TENM2: variants seen among roughly 807,000 people sequenced by gnomAD.
The protein encoded by TENM2 is teneurin transmembrane protein 2, also known as teneurin-2.
A neutral mutation model predicts 245.2 loss-of-function variants in TENM2; 52 were observed. The ratio of observed to expected loss-of-function variants is 0.21; its 90% CI spans 0.17 to 0.27. The LOEUF is 0.27. TENM2 is among the 10% of genes least tolerant of loss of function. The pLI, the probability that TENM2 is intolerant of heterozygous loss-of-function variation, is 1.00. For missense variants in TENM2, 3,046 were observed against 3,666.8 expected (o/e 0.83, Z 4.37); for synonymous variants, 1,363 against 1,438.9 (o/e 0.95, Z 1.19).
intron 2 of TENM2, among the ~76,000 whole-genome samples, chr5:167,547,704 T>G: frequency 6.6e-6 from 1 of 152,216 alleles, no homozygotes; most frequent in East Asian, 1.9e-4. Flanking sequence ...CAAGGTCACA[T>G]GGCTAGCTGA....
chr5:167,393,435 A>T (rs1761881409), intron 2 of TENM2, among the ~76,000 whole-genome samples: 1 of 152,170 alleles, frequency 6.6e-6, no homozygotes, highest in East Asian at 1.9e-4. Flanking sequence ...GTGAAAGGGA[A>T]TTGACTATAC....
chr5:167,322,604 T>C lies in TENM2; in HGVS notation c.226+37541T>C, dbSNP rs542858563. 3.8e-3 allele frequency among the ~76,000 whole-genome samples: 579 copies of C among 151,026 alleles called. 6 individuals are homozygous for C. Among genetic ancestry groups the C allele is most frequent in the South Asian group, 0.034 (160 of 4,776 alleles). ...CTCTTAATTACCTTTTCCCTCCCCC[T>C]TTTTTTTTAAATCTCCCCATTCTTC... On this transcript the variant is annotated intron_variant, in intron 1 of 28. Transcript: ENST00000518659.
chr5:167,224,121 T>G, the TENM2 span, among the ~76,000 whole-genome samples: 14 of 152,144 alleles, frequency 9.2e-5, no homozygotes, highest in Non-Finnish European at 1.8e-4. Flanking sequence ...TTCACAAATT[T>G]TTTCTCCTTT....
intron 2 of TENM2, among the ~76,000 whole-genome samples, chr5:167,478,160 G>A (rs1304171752): frequency 1.3e-5 from 2 of 152,152 alleles, no homozygotes; most frequent in Non-Finnish European, 2.9e-5. Context: ...AACAAACAAG[G>A]CTCAATGGCC....
chr5:167,533,033 A>C (rs774011891), intron 2 of TENM2, among the ~76,000 whole-genome samples: 1 of 152,148 alleles, frequency 6.6e-6, no homozygotes, highest in African/African-American at 2.4e-5. Context: ...CAAAATTACA[A>C]TGACCTGATT....
chr5:168,032,778 C>G lies in TENM2; in HGVS notation c.1187-14649C>G, dbSNP rs1787257354. On this transcript the variant is annotated intron_variant, in intron 5 of 28. Coordinates refer to ENST00000518659, the Ensembl canonical transcript of TENM2. ...TCCTCAGCCGCTGGTGTTTTTCCTT[C>G]CTAGACCACTGTGTGAGAGGAAGGG... 2.0e-5 allele frequency among the ~76,000 whole-genome samples: 3 copies of G among 152,126 alleles called. No homozygotes were observed. The South Asian group carries it at 6.2e-4, about 32-fold the overall frequency.
chr5:167,407,689 C>T (rs1193840725), intron 2 of TENM2, among the ~76,000 whole-genome samples: 1 of 152,050 alleles, frequency 6.6e-6, no homozygotes. Flanking sequence ...TGGTGGCACA[C>T]ACCTGTAATC....
intron 2 of TENM2, among the ~76,000 whole-genome samples, chr5:167,481,616 C>T (rs1214521377): frequency 6.6e-6 from 1 of 152,092 alleles, no homozygotes; most frequent in East Asian, 1.9e-4. Context: ...CCACATGTGT[C>T]ACGTACCTGT....
chr5:168,026,561 G>A (rs1786646219), intron 5 of TENM2, among the ~76,000 whole-genome samples: 1 of 152,142 alleles, frequency 6.6e-6, no homozygotes, highest in Non-Finnish European at 1.5e-5. Flanking sequence ...TACAACAAAT[G>A]TTTCCTGGTA....
At chr5:168,012,774 GAAAA>G (rs3056563) in intron 5 of TENM2, among the ~76,000 whole-genome samples, 31 of 74,288 alleles carry the variant, frequency 4.2e-4, no homozygotes, top group African/African-American at 1.4e-3. Context: ...AAGAACAACT[GAAAA>G]AAAAAAAAAA....
chr5:168,214,296 TCA>T (rs140320689), intron 20 of TENM2, among the ~76,000 whole-genome samples: 1,618 of 152,246 alleles, frequency 0.011, 41 homozygotes, highest in African/African-American at 0.037. Flanking sequence ...CTAATACACT[TCA>T]CACACACACA....
At chr5:167,849,805 A>T (rs1184284467) in intron 2 of TENM2, among the ~76,000 whole-genome samples, 3 of 152,226 alleles carry the variant, frequency 2.0e-5, no homozygotes, top group Non-Finnish European at 4.4e-5. Context: ...AAGGACACAG[A>T]TGAACAGCCA....
At chr5:167,839,390 G>A (rs534647036) in intron 2 of TENM2, among the ~76,000 whole-genome samples, 1 of 152,168 alleles carries the variant, frequency 6.6e-6, no homozygotes, top group Non-Finnish European at 1.5e-5. Flanking sequence ...ATTAAAAAGG[G>A]TGCAGAACAG....
chr5:167,038,862 G>C, the TENM2 span, among the ~76,000 whole-genome samples: 3 of 152,214 alleles, frequency 2.0e-5, no homozygotes, highest in African/African-American at 7.2e-5. Context: ...TTTGAGATTT[G>C]CTTTTTATCT....
chr5:167,534,757 G>T (rs936963190), intron 2 of TENM2, among the ~76,000 whole-genome samples: 1 of 152,268 alleles, frequency 6.6e-6, no homozygotes, highest in South Asian at 2.1e-4. Context: ...GGGATAACAC[G>T]GTGAGAGCTG....
chr5:167,280,740 G>GTCTA (rs753393570), upstream of TENM2, among the ~76,000 whole-genome samples: 3 of 135,692 alleles, frequency 2.2e-5, no homozygotes, highest in African/African-American at 8.4e-5. Context: ...ATATCTATCT[G>GTCTA]TCTGTCTATC....
chr5:167,172,484 A>G, the TENM2 span, among the ~76,000 whole-genome samples: 1 of 152,156 alleles, frequency 6.6e-6, no homozygotes, highest in African/African-American at 2.4e-5. Context: ...TGACACCCAG[A>G]CTTTCTGACT....
At chr5:167,839,156 A>G (rs1769259547) in intron 2 of TENM2, among the ~76,000 whole-genome samples, 1 of 152,222 alleles carries the variant, frequency 6.6e-6, no homozygotes, top group Non-Finnish European at 1.5e-5. Flanking sequence ...TCGGGTGTTT[A>G]CTGGTTCCTC....
At chr5:167,419,129 G>GTAGA (rs55794859) in intron 2 of TENM2, among the ~76,000 whole-genome samples, 12,869 of 150,346 alleles carry the variant, frequency 0.086, 1,102 homozygotes, top group African/African-American at 0.22. Flanking sequence ...AGATGTGTAT[G>GTAGA]TAGATAGATA....
Sources: gnomAD v4.1 joint callset for allele counts (sites outside exome capture counted in the v4.1 genomes callset) on GRCh38, gnomAD v4.1.1 for gene constraint, MANE v1.5 for transcripts, NCBI Gene and HGNC (gene_info 2026-07-23, HGNC 2026-07-21) for gene names.